Variants in KIAA0232 observed in about 807,000 individuals in gnomAD.
The protein encoded by KIAA0232 is KIAA0232, also known as uncharacterized protein KIAA0232.
In KIAA0232, 27 loss-of-function variants were observed where a neutral mutation model predicts 122.0. That is an observed-to-expected ratio of 0.22 (90% CI 0.16 to 0.31). KIAA0232 has a LOEUF of 0.31. KIAA0232 is among the 10% of genes least tolerant of loss of function. The pLI is 1.00. For synonymous variants in KIAA0232, 613 were observed against 587.6 expected (o/e 1.04, Z -0.63); for missense variants, 1,551 against 1,634.2 (o/e 0.95, Z 0.88).
chr4:6,813,513 C>T (rs970087869), intron 2 of KIAA0232, among the ~76,000 whole-genome samples: 2 of 151,986 alleles, frequency 1.3e-5, no homozygotes, highest in East Asian at 3.9e-4. Context: ...CAGGTGCCTG[C>T]CACCACGCCC....
At chr4:6,853,596 A>G (rs775026077) in intron 4 of KIAA0232, among the ~76,000 whole-genome samples, 1 of 152,230 alleles carries the variant, frequency 6.6e-6, no homozygotes, top group East Asian at 1.9e-4. Context: ...TGATCACACT[A>G]TGGCGGCACC....
chr4:6,806,185 A>G (rs897906185), intron 2 of KIAA0232, among the ~76,000 whole-genome samples: 1 of 152,196 alleles, frequency 6.6e-6, no homozygotes, highest in East Asian at 1.9e-4. Context: ...AAAAACTGCC[A>G]TTTTGTAGCC....
chr4:6,839,263 A>G (rs1336896050), intron 3 of KIAA0232, among the ~76,000 whole-genome samples: 1 of 152,256 alleles, frequency 6.6e-6, no homozygotes, highest in Non-Finnish European at 1.5e-5. Flanking sequence ...ATTTTGCATT[A>G]GCACTTACGT....
At chr4:6,858,301 G>A in intron 5 of KIAA0232, 124 bp from the exon 6 acceptor site, 1 of 592,954 alleles carries the variant, frequency 1.7e-6, no homozygotes, top group East Asian at 3.1e-5. Flanking sequence ...GATCGGTATT[G>A]AGTTTGCCTT....
Position 6,881,203 on chromosome 4 carries a change from T to C in KIAA0232, c.*237T>C. 1 of 358,518 alleles carries C rather than the reference T, an allele frequency of 2.8e-6. No homozygotes were observed. Among genetic ancestry groups the C allele is most frequent in the Non-Finnish European group, 5.0e-6 (1 of 200,722 alleles). The allele number at this position is 358,518 out of a possible 1,614,324, so 22.2% of individuals were successfully genotyped here. ...CTATTTGAAATAGACTAGATTGTGT[T>C]GTCAAATCAAGAATGGGTGTGCATG... On this transcript the variant is annotated 3_prime_UTR_variant, in exon 10 of 10. Coordinates refer to ENST00000307659, the MANE Select transcript of KIAA0232 (RefSeq NM_014743.3).
intron 4 of KIAA0232, among the ~76,000 whole-genome samples, chr4:6,844,239 C>T (rs796175197): frequency 1.3e-4 from 20 of 151,890 alleles, no homozygotes; most frequent in African/African-American, 4.6e-4. Context: ...CGCACCCGAC[C>T]AAGTTACCCA....
At chr4:6,789,972 T>C (rs1577351564) in intron 1 of KIAA0232, among the ~76,000 whole-genome samples, 2 of 151,760 alleles carry the variant, frequency 1.3e-5, no homozygotes, top group Non-Finnish European at 2.9e-5. Flanking sequence ...AAGGCTGCAG[T>C]GAGCCATGAT....
intron 1 of KIAA0232, among the ~76,000 whole-genome samples, chr4:6,801,180 T>A (rs987566779): frequency 6.6e-6 from 1 of 152,216 alleles, no homozygotes; most frequent in Non-Finnish European, 1.5e-5. Context: ...CTATTCAGTA[T>A]CCACTGGCTA....
chr4:6,855,165 A>G lies in KIAA0232; in HGVS notation c.370-1999A>G, dbSNP rs1720505178. On this transcript the variant is annotated intron_variant, in intron 4 of 9. Coordinates refer to ENST00000307659, the MANE Select transcript of KIAA0232 (RefSeq NM_014743.3). This position sits in a 1 kb window ranked among gnomAD's most constrained non-coding sequence, Gnocchi z 4.3. ...AATGACGCGATCTCAGCTCACTGCA[A>G]CCTCCACCTCCTGGGTTCAAGCAGT... 6.6e-6 allele frequency among the ~76,000 whole-genome samples: 1 copy of G among 151,366 alleles called. No individual in the cohort carries two copies. The highest frequency in any genetic ancestry group is 2.4e-5 in the African/African-American group (1 of 41,096).
intron 8 of KIAA0232, among the ~76,000 whole-genome samples, chr4:6,876,186 G>A (rs1049802353): frequency 2.0e-5 from 3 of 152,184 alleles, no homozygotes; most frequent in Admixed American, 6.5e-5. Flanking sequence ...ACACAAGGAC[G>A]TGACCCTGTG....
rs1719701833 is a variant in KIAA0232 at position 6,842,213 on chromosome 4, A to G, written c.369+9A>G. ...GATCTGCTTCTGATGAAGTAAGTTT[A>G]CATTTTGTTTCTAACACTTAAGAGA... On this transcript the variant is annotated intron_variant, in intron 4 of 9. Transcript: ENST00000307659. 6.3e-7 allele frequency: 1 copy of G among 1,590,286 alleles called. No individual in the cohort carries two copies. The highest frequency in any genetic ancestry group is 1.4e-5 in the African/African-American group (1 of 72,580).
intron 3 of KIAA0232, among the ~76,000 whole-genome samples, chr4:6,836,648 A>T (rs1719296108): frequency 6.6e-6 from 1 of 150,946 alleles, no homozygotes; most frequent in African/African-American, 2.4e-5. Context: ...TCAGCAGATA[A>T]ACATGTGAAC....
chr4:6,829,317 A>T (rs1718851043), intron 3 of KIAA0232, among the ~76,000 whole-genome samples: 1 of 152,204 alleles, frequency 6.6e-6, no homozygotes, highest in South Asian at 2.1e-4. Context: ...GGTGTCTGCC[A>T]GGTTTCTCCT....
intron 1 of KIAA0232, among the ~76,000 whole-genome samples, chr4:6,787,570 A>G (rs1160566715): frequency 6.6e-6 from 1 of 152,094 alleles, no homozygotes; most frequent in Non-Finnish European, 1.5e-5. Context: ...ACCTTTAGAG[A>G]CTTCCTTTCT....
intron 2 of KIAA0232, among the ~76,000 whole-genome samples, chr4:6,823,350 C>T (rs1718511277): frequency 1.3e-5 from 2 of 152,104 alleles, no homozygotes; most frequent in Non-Finnish European, 1.5e-5. Flanking sequence ...TGAGGAATCG[C>T]CACACTGACC....
At chr4:6,841,785 C>T (rs754850326) in intron 3 of KIAA0232, among the ~76,000 whole-genome samples, 1 of 152,182 alleles carries the variant, frequency 6.6e-6, no homozygotes, top group African/African-American at 2.4e-5. Context: ...TATAAAGCAT[C>T]TTTGAAAGAA....
intron 2 of KIAA0232, among the ~76,000 whole-genome samples, chr4:6,817,274 C>T (rs1251402933): frequency 6.6e-6 from 1 of 152,122 alleles, no homozygotes. Flanking sequence ...TCCTAATTGG[C>T]ATGATCTCGA....
At chr4:6,815,158 A>C (rs1381671961) in intron 2 of KIAA0232, among the ~76,000 whole-genome samples, 1 of 152,150 alleles carries the variant, frequency 6.6e-6, no homozygotes, top group African/African-American at 2.4e-5. Context: ...AATGAGTGTA[A>C]AGGCAGATAG....
At chr4:6,786,482 G>GT (rs1013366130) in intron 1 of KIAA0232, among the ~76,000 whole-genome samples, 15 of 152,028 alleles carry the variant, frequency 9.9e-5, no homozygotes, top group Admixed American at 4.6e-4. Flanking sequence ...AAAACAATTT[G>GT]TTTTTTTGTA....
Sources: allele counts gnomAD v4.1 joint callset (sites outside exome capture counted in the v4.1 genomes callset), GRCh38; gene constraint gnomAD v4.1.1; non-coding constraint Gnocchi (gnomAD v3.1); transcripts MANE v1.5; gene names NCBI Gene and HGNC (gene_info 2026-07-23, HGNC 2026-07-21).